Variants in HS6ST3 observed in about 807,000 individuals in gnomAD.
HS6ST3 encodes the protein heparan sulfate 6-O-sulfotransferase 3.
A neutral mutation model predicts 36.7 loss-of-function variants in HS6ST3; 12 were observed. The observed-to-expected ratio is 0.33, with a 90% CI of 0.21 to 0.53. The LOEUF (loss-of-function observed/expected upper bound fraction) is 0.53. Among genes scored for constraint, HS6ST3 ranks in the 20% least tolerant of loss-of-function variants. The pLI is 0.95. For missense variants in HS6ST3, 584 were observed against 640.9 expected, an observed-to-expected ratio of 0.91 and a Z score of 0.96; for synonymous variants, 240 against 257.5, an observed-to-expected ratio of 0.93 and a Z score of 0.65.
At chr13:96,484,320 G>A (rs1381843078) in intron 1 of HS6ST3, among the ~76,000 whole-genome samples, 2 of 151,064 alleles carry the variant, frequency 1.3e-5, no homozygotes, top group Non-Finnish European at 2.9e-5. Flanking sequence ...TCCTTCCTAT[G>A]TGCTGAGAAC....
intron 1 of HS6ST3, among the ~76,000 whole-genome samples, chr13:96,488,913 A>T (rs2055930536): frequency 2.0e-5 from 3 of 152,102 alleles, no homozygotes; most frequent in Middle Eastern, 3.4e-3. Flanking sequence ...CTTCTTGGGG[A>T]AAATAGATAT....
chr13:96,461,124 T>A (rs1175488392), intron 1 of HS6ST3, among the ~76,000 whole-genome samples: 2 of 152,238 alleles, frequency 1.3e-5, no homozygotes, highest in Non-Finnish European at 2.9e-5. Flanking sequence ...TGGTAGCAGA[T>A]AAAAAAGCAT....
intron 1 of HS6ST3, among the ~76,000 whole-genome samples, chr13:96,265,236 T>C (rs2054686040): frequency 6.6e-6 from 1 of 152,166 alleles, no homozygotes; most frequent in Non-Finnish European, 1.5e-5. Context: ...GGTGCAGTTA[T>C]GTGATCATGG....
rs528257125 is a variant in HS6ST3, at chr13:96,167,499, G to A, written c.707+75930G>A. 2.6e-5 allele frequency among the ~76,000 whole-genome samples: 4 copies of A among 152,270 alleles called. No homozygotes were observed. In the South Asian group the frequency reaches 6.2e-4, roughly 24 times the overall value. On this transcript the variant is annotated intron_variant, in intron 1 of 1. Coordinates refer to ENST00000376705, the MANE Select transcript of HS6ST3 (RefSeq NM_153456.4). ...TCCTCATCGCCCAAGAATCTCCCAT[G>A]CAACTCATCTGCTCTAAGTCAAACA...
At chr13:96,170,219 A>G (rs1206551833) in intron 1 of HS6ST3, among the ~76,000 whole-genome samples, 3 of 152,214 alleles carry the variant, frequency 2.0e-5, no homozygotes, top group Admixed American at 6.5e-5. Context: ...TATCTTTCCC[A>G]TCAGCCACTT....
At chr13:96,231,859 T>C (rs573126456) in intron 1 of HS6ST3, among the ~76,000 whole-genome samples, 12 of 152,348 alleles carry the variant, frequency 7.9e-5, no homozygotes, top group South Asian at 2.1e-4. Flanking sequence ...CTTCTGACGC[T>C]AGCCTCAGTC....
intron 1 of HS6ST3, among the ~76,000 whole-genome samples, chr13:96,441,476 A>G (rs2055670945): frequency 6.6e-6 from 1 of 152,124 alleles, no homozygotes. Context: ...ACAGAGACAC[A>G]ATTATTATTA....
chr13:96,482,982 G>A (rs2055896842), intron 1 of HS6ST3, among the ~76,000 whole-genome samples: 1 of 152,140 alleles, frequency 6.6e-6, no homozygotes, highest in Non-Finnish European at 1.5e-5. Flanking sequence ...GATAGTAAGT[G>A]GTGTTTATTG....
chr13:96,093,406 C>T (rs1345054126), intron 1 of HS6ST3, among the ~76,000 whole-genome samples: 1 of 152,068 alleles, frequency 6.6e-6, no homozygotes, highest in African/African-American at 2.4e-5. Context: ...TACTTAATAT[C>T]TCTATTCTGT....
At position 96,699,191 on chromosome 13, in the gene HS6ST3, C is replaced by T. The variant is rs551365757; in HGVS notation, c.708-133299C>T. Among the ~76,000 whole-genome samples the T allele has an allele frequency of 2.6e-5, 4 of 152,234 alleles. No homozygotes were observed. The South Asian group carries it at 8.3e-4, about 32-fold the overall frequency. ...ATACCATTCAGGACATAGGTATGGG[C>T]AAGGACTTCATGTCTAAAACACCAA... On this transcript the variant is annotated intron_variant, in intron 1 of 1. Transcript: ENST00000376705.
intron 1 of HS6ST3, among the ~76,000 whole-genome samples, chr13:96,157,045 C>T (rs1369384990): frequency 6.6e-6 from 1 of 152,222 alleles, no homozygotes; most frequent in Non-Finnish European, 1.5e-5. Flanking sequence ...AATTACCAAA[C>T]TTCTCTGAAC....
intron 1 of HS6ST3, among the ~76,000 whole-genome samples, chr13:96,292,210 ATGTGTGTG>A (rs4001473): frequency 2.3e-4 from 34 of 149,978 alleles, no homozygotes; most frequent in African/African-American, 6.1e-4. Context: ...TTTAGAGTAA[ATGTGTGTG>A]TGTGTGTGTG....
intron 1 of HS6ST3, among the ~76,000 whole-genome samples, chr13:96,614,320 A>AT (rs1278990314): frequency 2.0e-5 from 3 of 148,674 alleles, no homozygotes; most frequent in African/African-American, 7.7e-5. Context: ...AAAAAAAAAA[A>AT]AAAAAAAACA....
At chr13:96,583,326 G>T (rs1192796732) in intron 1 of HS6ST3, among the ~76,000 whole-genome samples, 2 of 135,034 alleles carry the variant, frequency 1.5e-5, no homozygotes, top group African/African-American at 2.8e-5. Context: ...CAATTCTCCT[G>T]CTTCAGCCTC....
intron 1 of HS6ST3, among the ~76,000 whole-genome samples, chr13:96,469,486 C>T (rs1377425965): frequency 6.6e-6 from 1 of 152,120 alleles, no homozygotes; most frequent in African/African-American, 2.4e-5. Flanking sequence ...GTTTAATTCT[C>T]CACTTTCCAT....
intron 1 of HS6ST3, among the ~76,000 whole-genome samples, chr13:96,755,054 A>G (rs187930325): frequency 1.2e-4 from 18 of 152,184 alleles, no homozygotes; most frequent in African/African-American, 4.1e-4. Flanking sequence ...TCTTAAGTAT[A>G]TAATTTGTCA....
At chr13:96,234,382 C>A (rs1220402448) in intron 1 of HS6ST3, among the ~76,000 whole-genome samples, 1 of 152,000 alleles carries the variant, frequency 6.6e-6, no homozygotes, top group African/African-American at 2.4e-5. Context: ...GGTGACAGAG[C>A]AAGACTCTGT....
At chr13:96,396,443 C>T (rs1411645813) in intron 1 of HS6ST3, among the ~76,000 whole-genome samples, 1 of 151,970 alleles carries the variant, frequency 6.6e-6, no homozygotes, top group Non-Finnish European at 1.5e-5. Context: ...AGAAGTCTTC[C>T]AAATTAATCC....
intron 1 of HS6ST3, among the ~76,000 whole-genome samples, chr13:96,154,919 T>C (rs2054103338): frequency 6.6e-6 from 1 of 152,116 alleles, no homozygotes; most frequent in African/African-American, 2.4e-5. Flanking sequence ...CCCAATTCTG[T>C]CTTTGGAAAT....
Sources: gnomAD v4.1 joint callset for allele counts (sites outside exome capture counted in the v4.1 genomes callset) on GRCh38, gnomAD v4.1.1 for gene constraint, MANE v1.5 for transcripts, NCBI Gene and HGNC (gene_info 2026-07-23, HGNC 2026-07-21) for gene names.